DNAJC3: variants seen among roughly 807,000 people sequenced by gnomAD.
DNAJC3 encodes dnaJ homolog subfamily C member 3.
DNAJC3 carries 38 observed loss-of-function variants against 68.6 expected under a neutral mutation model. The observed-to-expected ratio is 0.55, with a 90% CI of 0.43 to 0.73. DNAJC3 has a LOEUF of 0.73. Ranked by LOEUF, DNAJC3 falls within the 30% of genes least tolerant of loss-of-function variation. The pLI, the probability that DNAJC3 is intolerant of heterozygous loss-of-function variation, is 0.00. For synonymous variants in DNAJC3, 203 were observed against 204.0 expected, an observed-to-expected ratio of 1.00 and a Z score of 0.04; for missense variants, 526 against 591.9, an observed-to-expected ratio of 0.89 and a Z score of 1.16.
In DNAJC3 at chr13:95,794,536, T is replaced by C. The variant is rs1298288975; in HGVS notation, c.*3506T>C. 1 of 152,260 alleles carries C rather than the reference T, an allele frequency of 6.6e-6. No individual in the cohort carries two copies. Among genetic ancestry groups the C allele is most frequent in the Non-Finnish European group, 1.5e-5 (1 of 68,042 alleles). The allele number at this position is 152,260 out of a possible 1,614,324, so 9.4% of individuals were successfully genotyped here. On this transcript the variant is annotated 3_prime_UTR_variant, in exon 12 of 12. Coordinates refer to ENST00000602402, the MANE Select transcript of DNAJC3 (RefSeq NM_006260.5). Reference sequence around the variant, plus strand: ...CAACAACGAATATCCTTTTTCTAAATCAGATCATTCCTTTTTTGTTAGTGG... The same window carrying C: ...CAACAACGAATATCCTTTTTCTAAACCAGATCATTCCTTTTTTGTTAGTGG...
At chr13:95,721,635 T>G (rs1203788322) in intron 2 of DNAJC3, among the ~76,000 whole-genome samples, 1 of 151,672 alleles carries the variant, frequency 6.6e-6, no homozygotes, top group African/African-American at 2.4e-5. Flanking sequence ...TATCTCAATG[T>G]GTGTGTTTTT....
chr13:95,793,433 A>T lies in DNAJC3; in HGVS notation c.*2403A>T, dbSNP rs1054119054. ...CTGTAGGGTAGCATTATCCACTGTA[A>T]AACCATACTACTTTCATTTTCCCTT... is the stretch of plus-strand genomic sequence containing the variant. On this transcript the variant is annotated 3_prime_UTR_variant, in exon 12 of 12. Coordinates refer to ENST00000602402, the MANE Select transcript of DNAJC3 (RefSeq NM_006260.5). 1 of 151,840 alleles carries T rather than the reference A, an allele frequency of 6.6e-6. No individual in the cohort carries two copies. The highest frequency in any genetic ancestry group is 2.4e-5 in the African/African-American group (1 of 41,192). The allele number at this position is 151,840 out of a possible 1,614,324, so 9.4% of individuals were successfully genotyped here.
At chr13:95,749,030 A>G (rs1047409847) in intron 4 of DNAJC3, among the ~76,000 whole-genome samples, 2 of 152,232 alleles carry the variant, frequency 1.3e-5, no homozygotes, top group Non-Finnish European at 2.9e-5. Flanking sequence ...CACCAACTGT[A>G]AGGAGCTATC....
intron 4 of DNAJC3, among the ~76,000 whole-genome samples, chr13:95,736,872 T>C (rs974627622): frequency 1.3e-5 from 2 of 148,930 alleles, no homozygotes; most frequent in Non-Finnish European, 3.0e-5. Context: ...ATGGGAGTGG[T>C]GAGAGAGGGC....
intron 2 of DNAJC3, among the ~76,000 whole-genome samples, chr13:95,723,023 A>C (rs962877257): frequency 2.0e-5 from 3 of 151,958 alleles, no homozygotes; most frequent in Non-Finnish European, 4.4e-5. Context: ...TGAAGTCTGT[A>C]GGTCGGATGT....
intron 4 of DNAJC3, among the ~76,000 whole-genome samples, chr13:95,738,003 A>C (rs1881989763): frequency 7.9e-6 from 1 of 126,288 alleles, no homozygotes. Flanking sequence ...AATGCGTCCC[A>C]GAGATTCTGG....
At chr13:95,773,923 G>A (rs548390474) in intron 9 of DNAJC3, among the ~76,000 whole-genome samples, 3 of 151,860 alleles carry the variant, frequency 2.0e-5, no homozygotes, top group East Asian at 1.9e-4. Flanking sequence ...TTTTAGTAGA[G>A]ACGGGGTTTC....
At chr13:95,788,310 TATCAGACTGGGAGTCAG>T (rs1354141839) in intron 11 of DNAJC3, among the ~76,000 whole-genome samples, 3 of 152,228 alleles carry the variant, frequency 2.0e-5, no homozygotes, top group African/African-American at 7.2e-5. Flanking sequence ...TGTGATAGTG[TATCAGACTGGGAGTCAG>T]GATCTTCTTA....
At chr13:95,695,101 C>G (rs1284387538) in intron 1 of DNAJC3, 2 of 152,138 alleles carry the variant, frequency 1.3e-5, no homozygotes, top group African/African-American at 4.8e-5. Flanking sequence ...TATTGCATGA[C>G]TTTTCACCTT....
chr13:95,732,652 G>GTT (rs1336746700), intron 4 of DNAJC3, among the ~76,000 whole-genome samples: 1 of 150,226 alleles, frequency 6.7e-6, no homozygotes, highest in Admixed American at 6.6e-5. Context: ...CCCTTGCATT[G>GTT]TTTTTTTAGT....
chr13:95,755,756 C>CAAAAAAAAAAAAAAAAAAAAAAAAAAA (rs56659621), intron 4 of DNAJC3, among the ~76,000 whole-genome samples: 1 of 15,086 alleles, frequency 6.6e-5, no homozygotes. Context: ...GACGCCGTCT[C>CAAAAAAAAAAAAAAAAAAAAAAAAAAA]AAAAAAAAAA....
chr13:95,762,580 A>T (rs1204196576), intron 7 of DNAJC3, among the ~76,000 whole-genome samples: 1 of 152,150 alleles, frequency 6.6e-6, no homozygotes, highest in Non-Finnish European at 1.5e-5. Flanking sequence ...GGACAAATAC[A>T]TCTATTCCAC....
At chr13:95,716,612 G>C in intron 2 of DNAJC3, among the ~76,000 whole-genome samples, 1 of 152,176 alleles carries the variant, frequency 6.6e-6, no homozygotes, top group East Asian at 1.9e-4. Context: ...TGGATAGGGA[G>C]CCGGAAGTGG....
At chr13:95,683,573 G>C (rs1052955989) in intron 1 of DNAJC3, among the ~76,000 whole-genome samples, 1 of 152,108 alleles carries the variant, frequency 6.6e-6, no homozygotes. Context: ...GGCCTCCCCA[G>C]CCATGCTTCA....
At chr13:95,689,215 A>C (rs1361800800) in intron 1 of DNAJC3, among the ~76,000 whole-genome samples, 1 of 150,578 alleles carries the variant, frequency 6.6e-6, no homozygotes, top group African/African-American at 2.4e-5. Flanking sequence ...GGCTGTAAAA[A>C]ATCTGTCCTG....
chr13:95,748,637 G>A (rs779460214), intron 4 of DNAJC3, among the ~76,000 whole-genome samples: 1 of 152,066 alleles, frequency 6.6e-6, no homozygotes, highest in African/African-American at 2.4e-5. Flanking sequence ...CCAACATGGC[G>A]AAACCCTGTC....
chr13:95,698,275 A>C (rs2139614333), intron 1 of DNAJC3, among the ~76,000 whole-genome samples: 1 of 152,264 alleles, frequency 6.6e-6, no homozygotes, highest in South Asian at 2.1e-4. Context: ...AGCAGCAGCA[A>C]AAGCAGACAG....
At chr13:95,737,902 T>C (rs1881982867) in intron 4 of DNAJC3, among the ~76,000 whole-genome samples, 1 of 106,962 alleles carries the variant, frequency 9.3e-6, no homozygotes, top group African/African-American at 3.9e-5. Flanking sequence ...CTAGTTCTTT[T>C]AATTGTGATG....
intron 2 of DNAJC3, 25 bp from the exon 3 acceptor site, chr13:95,723,213 CTAAG>C: frequency 6.5e-7 from 1 of 1,545,808 alleles, no homozygotes; most frequent in Non-Finnish European, 8.8e-7. Context: ...GAATAAATGA[CTAAG>C]AGGTAATATT....
Sources: gnomAD v4.1 joint callset for allele counts (sites outside exome capture counted in the v4.1 genomes callset) on GRCh38, gnomAD v4.1.1 for gene constraint, MANE v1.5 for transcripts, NCBI Gene and HGNC (gene_info 2026-07-23, HGNC 2026-07-21) for gene names.